The following PHF20L1 variants were observed in gnomAD, a reference collection of about 807,000 sequenced individuals.
PHF20L1 encodes PHD finger protein 20 like 1, also known as PHD finger protein 20-like protein 1.
Under a neutral mutation model 125.5 loss-of-function variants are expected in PHF20L1, and 44 were observed. The observed-to-expected ratio is 0.35, with a 90% CI of 0.28 to 0.45. PHF20L1 has a LOEUF of 0.45. PHF20L1 is among the 20% of genes least tolerant of loss of function. PHF20L1 has a pLI of 1.00. For missense variants in PHF20L1, 1,012 were observed against 1,217.2 expected, an observed-to-expected ratio of 0.83 and a Z score of 2.51; for synonymous variants, 380 against 403.1, an observed-to-expected ratio of 0.94 and a Z score of 0.69.
intron 4 of PHF20L1, among the ~76,000 whole-genome samples, chr8:132,798,332 C>T (rs189461435): frequency 6.6e-6 from 1 of 152,092 alleles, no homozygotes; most frequent in Non-Finnish European, 1.5e-5. Context: ...AGGAATAATC[C>T]TTTCCAGGGC....
At chr8:132,783,747 C>G (rs893113097) in intron 2 of PHF20L1, among the ~76,000 whole-genome samples, 3 of 152,068 alleles carry the variant, frequency 2.0e-5, no homozygotes, top group Admixed American at 1.3e-4. Context: ...GAGTCATTAC[C>G]TTTGAAAACC....
chr8:132,822,144 T>G (rs1300900816), intron 12 of PHF20L1, among the ~76,000 whole-genome samples: 1 of 151,942 alleles, frequency 6.6e-6, no homozygotes, highest in East Asian at 1.9e-4. Flanking sequence ...ATTTTATCAT[T>G]TATGAAATCG....
At chr8:132,804,508 TAA>T in intron 7 of PHF20L1, 105 bp from the exon 8 acceptor site, 1 of 779,448 alleles carries the variant, frequency 1.3e-6, no homozygotes, top group Non-Finnish European at 2.1e-6. Flanking sequence ...AGTAGTAGAT[TAA>T]AAAAACTAAT....
intron 2 of PHF20L1, among the ~76,000 whole-genome samples, chr8:132,788,617 T>C (rs1358965272): frequency 6.6e-6 from 1 of 151,848 alleles, no homozygotes; most frequent in Non-Finnish European, 1.5e-5. Flanking sequence ...TTTTTATCAA[T>C]ACAGATAGAA....
intron 6 of PHF20L1, among the ~76,000 whole-genome samples, chr8:132,800,907 T>C (rs1191810664): frequency 6.6e-6 from 1 of 151,596 alleles, no homozygotes; most frequent in Non-Finnish European, 1.5e-5. Flanking sequence ...ATGGTAGACA[T>C]GTTATCAGCC....
chr8:132,818,908 T>G (rs1460180687), intron 12 of PHF20L1: 1 of 151,934 alleles, frequency 6.6e-6, no homozygotes, highest in African/African-American at 2.4e-5. Context: ...TATTTACATT[T>G]TTCTTTAAAA....
At position 132,842,695 on chromosome 8, in the gene PHF20L1, T is replaced by C. The variant is rs1838054289; in HGVS notation, c.2568T>C (p.Tyr856=). 2 of 1,613,358 alleles carry C rather than the reference T, an allele frequency of 1.2e-6. No individual in the cohort carries two copies. Among genetic ancestry groups the C allele is most frequent in the Non-Finnish European group, 1.7e-6 (2 of 1,179,628 alleles). Residue 856 remains tyrosine (Y), a synonymous_variant, in exon 19 of 21, where the codon TAT becomes TAC. Coordinates refer to ENST00000395386, the MANE Select transcript of PHF20L1 (RefSeq NM_016018.5). Reference sequence around the variant, plus strand: ...TGCCCCTAAAAATGGAAGGAACTTATATAACAAGTGAGCATAGCTATCAAA... The same window carrying C: ...TGCCCCTAAAAATGGAAGGAACTTACATAACAAGTGAGCATAGCTATCAAA... The part of the protein sequence containing the change: ...PRLPLKMEGT[Y]ITSEHSYQKP...
intron 14 of PHF20L1, chr8:132,827,014 T>C (rs1309603281): frequency 1.3e-5 from 2 of 151,984 alleles, no homozygotes; most frequent in African/African-American, 4.8e-5. Flanking sequence ...AATTTTCACA[T>C]TCTCGAATTC....
intron 2 of PHF20L1, among the ~76,000 whole-genome samples, chr8:132,791,563 G>A (rs1051030088): frequency 2.0e-5 from 3 of 151,994 alleles, no homozygotes; most frequent in South Asian, 2.1e-4. Flanking sequence ...GAGTTGTTTC[G>A]TTTCCTTTTT....
At chr8:132,806,691 T>C (rs1253942780) in intron 8 of PHF20L1, 2 of 152,072 alleles carry the variant, frequency 1.3e-5, no homozygotes, top group African/African-American at 2.4e-5. Flanking sequence ...GTAGATTTCA[T>C]TTATAGTTTA....
At chr8:132,817,122 A>G in intron 11 of PHF20L1, 46 bp downstream of exon 11, 1 of 1,195,192 alleles carries the variant, frequency 8.4e-7, no homozygotes, top group Non-Finnish European at 1.2e-6. Context: ...AAAGAAGATA[A>G]AGAAAAAACT....
At chr8:132,787,528 T>C (rs987296800) in intron 2 of PHF20L1, among the ~76,000 whole-genome samples, 7 of 152,122 alleles carry the variant, frequency 4.6e-5, no homozygotes, top group African/African-American at 1.4e-4. Context: ...AGATATAATT[T>C]TGACCTATGA....
intron 10 of PHF20L1, 117 bp downstream of exon 10, chr8:132,815,006 A>T (rs890998055): frequency 2.8e-6 from 2 of 717,460 alleles, no homozygotes; most frequent in South Asian, 2.1e-5. Flanking sequence ...AGTGGATATG[A>T]TAGGGAAGGC....
At chr8:132,802,189 A>C (rs1253406581) in intron 6 of PHF20L1, among the ~76,000 whole-genome samples, 1 of 150,552 alleles carries the variant, frequency 6.6e-6, no homozygotes, top group African/African-American at 2.4e-5. Flanking sequence ...TTACTGCTTA[A>C]ATGTTAGTCT....
intron 6 of PHF20L1, chr8:132,803,543 T>C: frequency 2.9e-6 from 1 of 350,348 alleles, no homozygotes; most frequent in Middle Eastern, 8.0e-4. Flanking sequence ...TTTCCTCTGC[T>C]ATTTTAGATT....
intron 2 of PHF20L1, among the ~76,000 whole-genome samples, chr8:132,783,301 T>C (rs1051860395): frequency 6.6e-6 from 1 of 152,176 alleles, no homozygotes; most frequent in African/African-American, 2.4e-5. Flanking sequence ...TAAATTTGAA[T>C]TGGCAAATGC....
intron 8 of PHF20L1, chr8:132,807,719 G>A (rs1833899742): frequency 2.2e-6 from 1 of 455,658 alleles, no homozygotes; most frequent in South Asian, 1.6e-5. Context: ...ATTCGTATTG[G>A]CAGGAAGAGA....
chr8:132,833,105 A>G (rs548537043), intron 15 of PHF20L1, among the ~76,000 whole-genome samples: 5 of 152,138 alleles, frequency 3.3e-5, no homozygotes, highest in Admixed American at 1.3e-4. Flanking sequence ...GGGCTGTGGC[A>G]TAAGAGTAGA....
At chr8:132,825,243 G>A (rs766340079) in intron 13 of PHF20L1, 21 bp from the exon 14 acceptor site, 158 of 1,590,082 alleles carry the variant, frequency 9.9e-5, no homozygotes, top group Middle Eastern at 3.4e-4. Flanking sequence ...GATTGCTAAA[G>A]TATTCACTTT....
Sources: allele counts gnomAD v4.1 joint callset (sites outside exome capture counted in the v4.1 genomes callset), GRCh38; gene constraint gnomAD v4.1.1; transcripts MANE v1.5; gene names NCBI Gene and HGNC (gene_info 2026-07-23, HGNC 2026-07-21).